Variants in VCL observed in about 807,000 individuals in gnomAD.
The protein encoded by VCL is epididymis luminal protein 114.
Under a neutral mutation model 125.7 loss-of-function variants are expected in VCL, and 47 were observed. The ratio of observed to expected loss-of-function variants is 0.37; its 90% CI spans 0.30 to 0.48. The LOEUF is 0.48. Among genes scored for constraint, VCL ranks in the 20% least tolerant of loss-of-function variants. VCL has a pLI of 0.99. For missense variants in VCL, 1,069 were observed against 1,455.5 expected, an observed-to-expected ratio of 0.73 and a Z score of 4.32; for synonymous variants, 458 against 514.6, an observed-to-expected ratio of 0.89 and a Z score of 1.49.
At chr10:74,113,739 G>A (rs1840266895) in intron 19 of VCL, among the ~76,000 whole-genome samples, 2 of 152,144 alleles carry the variant, frequency 1.3e-5, no homozygotes, top group Admixed American at 1.3e-4. Flanking sequence ...CCTCAGGCCA[G>A]CTCTACTGCT....
intron 16 of VCL, among the ~76,000 whole-genome samples, chr10:74,105,571 GCTTT>G (rs1472149022): frequency 2.0e-5 from 3 of 152,130 alleles, no homozygotes; most frequent in South Asian, 2.1e-4. Context: ...ACTTCTCTGT[GCTTT>G]CTTTTTTTTT....
At chr10:74,034,261 G>A (rs1427346635) in intron 1 of VCL, among the ~76,000 whole-genome samples, 3 of 151,994 alleles carry the variant, frequency 2.0e-5, no homozygotes, top group Non-Finnish European at 2.9e-5. Flanking sequence ...TGCATACAAG[G>A]CCCTCCATGA....
chr10:74,054,670 TA>T (rs2136259111), intron 2 of VCL, among the ~76,000 whole-genome samples: 1 of 152,284 alleles, frequency 6.6e-6, no homozygotes, highest in Non-Finnish European at 1.5e-5. Context: ...CCTTTAATCC[TA>T]GCACTTCGGG....
intron 13 of VCL, among the ~76,000 whole-genome samples, chr10:74,100,506 G>T (rs1470338561): frequency 2.0e-5 from 3 of 152,194 alleles, no homozygotes; most frequent in African/African-American, 7.2e-5. Context: ...CTCAATTTAG[G>T]ACTGTGTGGA....
Position 74,097,288 on chromosome 10 carries a change from G to A in VCL, c.1828G>A (p.Ala610Thr). ...TACCACAACTCCCATCAAGCTGTTG[G>A]CAGTGGCAGCCACGGCGCCTCCTGA... is the stretch of plus-strand genomic sequence containing the variant. The part of the protein sequence containing the change: ...SDTTTPIKLL[A>T]VAATAPPDAP... The change falls in exon 13 of 22, where the codon GCA becomes ACA. Residue 610 changes from alanine (A) to threonine (T), a missense_variant. Physicochemically the swap from Ala to Thr is moderately conservative, Grantham distance 58. This residue lies in a region of VCL where 760 missense variants were observed against 928.9 expected (regional missense o/e 0.82). Transcript: ENST00000211998. This position sits in a 1 kb window ranked among gnomAD's most constrained non-coding sequence, Gnocchi z 4.1. 2 of 1,614,054 alleles carry A rather than the reference G, an allele frequency of 1.2e-6. No individual in the cohort carries two copies. Among genetic ancestry groups the A allele is most frequent in the Non-Finnish European group, 1.7e-6 (2 of 1,179,988 alleles).
In VCL at chr10:74,009,094, T is replaced by TC. The variant is rs377289919; in HGVS notation, c.168+10720dup. ...AGGAAGGACGTCCCATTGAAAGCTT[T>TC]CATGTGTCTTTCTTTTCCCTGTACC... On this transcript the variant is annotated intron_variant, in intron 1 of 21. Transcript: ENST00000211998. 6.3e-3 allele frequency among the ~76,000 whole-genome samples: 952 copies of TC among 152,174 alleles called. 2 individuals are homozygous for TC. The highest frequency in any genetic ancestry group is 8.8e-3 in the Non-Finnish European group (601 of 68,002).
intron 2 of VCL, among the ~76,000 whole-genome samples, chr10:74,069,337 G>C (rs901374276): frequency 3.3e-5 from 5 of 152,144 alleles, no homozygotes; most frequent in African/African-American, 1.2e-4. Flanking sequence ...AACTGCGCCC[G>C]GCCATGTATT....
At chr10:74,091,791 C>CAAAAAAAAAAAAAAAAAAAAAAAAAAAAA (rs545539526) in intron 10 of VCL, among the ~76,000 whole-genome samples, 1 of 61,106 alleles carries the variant, frequency 1.6e-5, no homozygotes, top group African/African-American at 5.3e-5. Flanking sequence ...TCTGTCTCAG[C>CAAAAAAAAAAAAAAAAAAAAAAAAAAAAA]AAAAAAAAAA....
chr10:74,039,340 C>T (rs1841049267), intron 1 of VCL, among the ~76,000 whole-genome samples: 1 of 138,626 alleles, frequency 7.2e-6, no homozygotes, highest in Non-Finnish European at 1.5e-5. Flanking sequence ...TTCTCCATTT[C>T]TGTTTTCACT....
intron 2 of VCL, among the ~76,000 whole-genome samples, chr10:74,056,056 C>T (rs964377115): frequency 6.6e-6 from 1 of 152,032 alleles, no homozygotes; most frequent in Non-Finnish European, 1.5e-5. Flanking sequence ...ATGCTGCTTC[C>T]CCTTCAGTTA....
chr10:74,054,297 A>T (rs548725542), intron 2 of VCL, among the ~76,000 whole-genome samples: 1 of 152,190 alleles, frequency 6.6e-6, no homozygotes, highest in Non-Finnish European at 1.5e-5. Flanking sequence ...AGCTCTACAT[A>T]TTTCAAAGCA....
chr10:74,090,856 A>T (rs1395797633), intron 10 of VCL, among the ~76,000 whole-genome samples: 1 of 151,618 alleles, frequency 6.6e-6, no homozygotes, highest in Non-Finnish European at 1.5e-5. Flanking sequence ...GCTGGAGTGC[A>T]GCGGCATGAC....
At chr10:74,009,680 A>G (rs1306919925) in intron 1 of VCL, among the ~76,000 whole-genome samples, 1 of 149,674 alleles carries the variant, frequency 6.7e-6, no homozygotes, top group Non-Finnish European at 1.5e-5. Flanking sequence ...CATGATCTTG[A>G]CTCACTGCAA....
intron 1 of VCL, among the ~76,000 whole-genome samples, chr10:74,005,630 A>T (rs1386811967): frequency 6.6e-6 from 1 of 152,168 alleles, no homozygotes; most frequent in Non-Finnish European, 1.5e-5. Context: ...AGATTTTTGG[A>T]GATGGGCAGT....
In VCL at chr10:74,097,447, G is replaced by A. The variant is rs369451568; in HGVS notation, c.1872+115G>A. ...GTGGTTGGGAAACTGTAGATGAAGG[G>A]TGGAAGAGCAGAACAGGGAAAGCCC... On this transcript the variant is annotated intron_variant, in intron 13 of 21. Transcript: ENST00000211998. This position sits in a 1 kb window ranked among gnomAD's most constrained non-coding sequence, Gnocchi z 4.1. 1.1e-4 allele frequency: 164 copies of A among 1,498,408 alleles called. 1 individual carries two copies. In the South Asian group the frequency reaches 1.8e-3, roughly 17 times the overall value. The allele number at this position is 1,498,408 out of a possible 1,614,324, so 92.8% of individuals were successfully genotyped here.
intron 2 of VCL, among the ~76,000 whole-genome samples, chr10:74,068,928 T>G (rs896178740): frequency 1.3e-5 from 2 of 151,690 alleles, no homozygotes; most frequent in Non-Finnish European, 2.9e-5. Flanking sequence ...TGAATATATA[T>G]TATATATTTA....
chr10:74,080,202 T>C (rs1839654875), intron 6 of VCL, among the ~76,000 whole-genome samples: 1 of 152,026 alleles, frequency 6.6e-6, no homozygotes, highest in Admixed American at 6.6e-5. Context: ...ATTTGATTTC[T>C]GGAGCTTATT....
chr10:74,046,498 C>T (rs2136251369), intron 2 of VCL, among the ~76,000 whole-genome samples: 1 of 152,340 alleles, frequency 6.6e-6, no homozygotes, highest in East Asian at 1.9e-4. Flanking sequence ...CTGCATTGGC[C>T]TCCCAAAGTG....
chr10:74,035,960 G>A (rs1272776573), intron 1 of VCL, among the ~76,000 whole-genome samples: 2 of 152,142 alleles, frequency 1.3e-5, no homozygotes, highest in African/African-American at 4.8e-5. Context: ...ATAATTTAAA[G>A]TATGTGGGAG....
Sources: gnomAD v4.1 joint callset for allele counts (sites outside exome capture counted in the v4.1 genomes callset) on GRCh38, gnomAD v4.1.1 for gene constraint, gnomAD v4.1.1 regional missense constraint, Gnocchi (gnomAD v3.1) non-coding constraint, MANE v1.5 for transcripts, NCBI Gene and HGNC (gene_info 2026-07-23, HGNC 2026-07-21) for gene names.